Variants in AOX1 observed in about 807,000 individuals in gnomAD.
The protein encoded by AOX1 is aldehyde oxidase 1, also known as aldehyde oxidase.
A neutral mutation model predicts 169.5 loss-of-function variants in AOX1; 153 were observed. The ratio of observed to expected loss-of-function variants is 0.90; its 90% CI spans 0.79 to 1.03. AOX1 has a LOEUF of 1.03. Ranked by LOEUF, AOX1 falls within the 50% of genes least tolerant of loss-of-function variation. The pLI is 0.00. For missense variants in AOX1, 1,656 were observed against 1,663.9 expected (o/e 1.00, Z 0.08); for synonymous variants, 562 against 581.9 (o/e 0.97, Z 0.49).
chr2:200,641,992 G>C (rs1034643991), intron 24 of AOX1, among the ~76,000 whole-genome samples: 1 of 152,082 alleles, frequency 6.6e-6, no homozygotes, highest in Non-Finnish European at 1.5e-5. Context: ...AGCCGGGTAT[G>C]GTGGCACACA....
Position 200,604,738 on chromosome 2 carries a change from A to G in AOX1, c.712A>G (p.Ser238Gly). ...KQSQRTRVFGSERMMWFSPVT... is the reference protein window; with the variant it reads ...KQSQRTRVFGGERMMWFSPVT... Reference sequence around the variant, plus strand: ...GTCGCAAAGGACCAGGGTGTTTGGCAGTGAGAGAATGATGTGGTTTTCCCC... The same window carrying G: ...GTCGCAAAGGACCAGGGTGTTTGGCGGTGAGAGAATGATGTGGTTTTCCCC... The change falls in exon 9 of 35, where the codon AGT (serine) becomes GGT (glycine). Residue 238 changes from serine to glycine, a missense_variant. Coordinates refer to ENST00000374700, the MANE Select transcript of AOX1 (RefSeq NM_001159.4). 2.5e-6 allele frequency: 4 copies of G among 1,614,136 alleles called. No individual in the cohort carries two copies. The highest frequency in any genetic ancestry group is 3.4e-6 in the Non-Finnish European group (4 of 1,180,008).
chr2:200,670,761 ATC>A lies in AOX1; in HGVS notation c.*84_*85del. 7 of 1,130,652 alleles carry A rather than the reference ATC, an allele frequency of 6.2e-6. No homozygotes were observed. In the South Asian group the frequency reaches 9.3e-5, roughly 15 times the overall value. 70.0% of individuals were successfully genotyped at this position (1,130,652 alleles called of 1,614,324 possible). A position where few individuals can be genotyped will look rare whatever the true frequency, so the allele number is the denominator to read the frequency against. On this transcript the variant is annotated 3_prime_UTR_variant, in exon 35 of 35. Coordinates refer to ENST00000374700, the MANE Select transcript of AOX1 (RefSeq NM_001159.4). ...CTATCTCTGTGCTGGAAGATGCTAGATCTGAAAGACAGAGTTTCCACAGTTCA... is the reference window on the plus strand; with the variant it reads ...CTATCTCTGTGCTGGAAGATGCTAGATGAAAGACAGAGTTTCCACAGTTCA...
chr2:200,602,347 TA>T lies in AOX1; in HGVS notation c.498+4del. 1 of 1,612,908 alleles carries T rather than the reference TA, an allele frequency of 6.2e-7. No homozygotes were observed. Among genetic ancestry groups the T allele is most frequent in the Non-Finnish European group, 8.5e-7 (1 of 1,179,184 alleles). On this transcript the variant is annotated splice_donor_region_variant and intron_variant, in intron 6 of 34. Coordinates refer to ENST00000374700, the MANE Select transcript of AOX1 (RefSeq NM_001159.4). ...GATGCATGCAAGACTTTCTGTAAAGTAAGTGGAAAGGACCACATGTTTGAGT... is the reference window on the plus strand; with the variant it reads ...GATGCATGCAAGACTTTCTGTAAAGTAGTGGAAAGGACCACATGTTTGAGT...
chr2:200,664,929 A>G (rs1297028947), intron 31 of AOX1, among the ~76,000 whole-genome samples: 1 of 152,154 alleles, frequency 6.6e-6, no homozygotes, highest in Non-Finnish European at 1.5e-5. Context: ...GTGATTCTGC[A>G]TGAGGCTTGT....
Position 200,621,148 on chromosome 2 carries a change from A to C in AOX1, c.1903A>C (p.Met635Leu). 6.2e-7 allele frequency: 1 copy of C among 1,614,146 alleles called. No homozygotes were observed. Among genetic ancestry groups the C allele is most frequent in the South Asian group, 1.1e-5 (1 of 91,068 alleles). Residue 635 changes from methionine (M) to leucine (L), a missense_variant, in exon 18 of 35, where the codon ATG becomes CTG. Coordinates refer to ENST00000374700, the MANE Select transcript of AOX1 (RefSeq NM_001159.4). ...TATTGATCTGTCAGAAGCTCTCAGCATGCCCGGTGTGGTGGACATCATGAC... is the reference window on the plus strand; with the variant it reads ...TATTGATCTGTCAGAAGCTCTCAGCCTGCCCGGTGTGGTGGACATCATGAC... ...VSIDLSEALS[M>L]PGVVDIMTAE...
Position 200,605,563 on chromosome 2 carries a change from T to G in AOX1, c.842T>G (p.Phe281Cys). The G allele has an allele frequency of 6.4e-7, 1 of 1,563,282 alleles. No individual in the cohort carries two copies. The highest frequency in any genetic ancestry group is 1.2e-5 in the South Asian group (1 of 80,572). ...VGPEVKFKGV[F>C]HPVIISPDRI... is the part of the protein sequence containing the mutation. ...CCTGAAGTGAAATTTAAAGGCGTCT[T>G]TCACCCAGTTATAATTTCTCCTGAT... The change falls in exon 10 of 35, where the codon TTT becomes TGT. Residue 281 changes from phenylalanine to cysteine, a missense_variant. Transcript: ENST00000374700.
intron 18 of AOX1, among the ~76,000 whole-genome samples, chr2:200,623,032 C>CT (rs199784795): frequency 2.8e-4 from 42 of 152,154 alleles, no homozygotes; most frequent in African/African-American, 8.9e-4. Flanking sequence ...TTTTTAATGC[C>CT]TTTTTTTCGA....
rs1211006672 is a variant in AOX1, at chr2:200,604,109, A to G, written c.669+12A>G. 6.4e-7 allele frequency: 1 copy of G among 1,573,612 alleles called. No homozygotes were observed. The highest frequency in any genetic ancestry group is 8.7e-7 in the Non-Finnish European group (1 of 1,143,280). On this transcript the variant is annotated intron_variant, in intron 8 of 34. Coordinates refer to ENST00000374700, the MANE Select transcript of AOX1 (RefSeq NM_001159.4). ...CTCCTGAGCTAATGGTGAGTAAAGC[A>G]ATGTTGAGCTCATCCTAGAAGAATT...
chr2:200,650,402 A>G (rs2035558464), intron 25 of AOX1, among the ~76,000 whole-genome samples: 1 of 152,148 alleles, frequency 6.6e-6, no homozygotes, highest in Non-Finnish European at 1.5e-5. Flanking sequence ...CTCAGCTGAG[A>G]ATGTGACATA....
In AOX1 at chr2:200,586,078, T is replaced by C. The variant is rs779618567; in HGVS notation, c.-31T>C. The C allele has an allele frequency of 6.5e-7, 1 of 1,549,310 alleles. No individual in the cohort carries two copies. Among genetic ancestry groups the C allele is most frequent in the Non-Finnish European group, 8.7e-7 (1 of 1,147,510 alleles). ...ACTTCCCAGAACCTCCGCCTCCCGCTCCGGGCCCTCGAACCAGCGCGGACA... is the reference window on the plus strand; with the variant it reads ...ACTTCCCAGAACCTCCGCCTCCCGCCCCGGGCCCTCGAACCAGCGCGGACA... On this transcript the variant is annotated 5_prime_UTR_variant, in exon 1 of 35. Transcript: ENST00000374700.
chr2:200,613,322 C>T (rs772880487), intron 14 of AOX1, among the ~76,000 whole-genome samples: 18 of 152,306 alleles, frequency 1.2e-4, no homozygotes, highest in Middle Eastern at 6.8e-3. Flanking sequence ...AGTTTACCCT[C>T]TGTTAACTCC....
chr2:200,611,690 A>G (rs986612496), intron 13 of AOX1, among the ~76,000 whole-genome samples, 197 bp downstream of exon 13: 2 of 146,112 alleles, frequency 1.4e-5, no homozygotes, highest in Non-Finnish European at 1.5e-5. Flanking sequence ...TGCCCCTATC[A>G]TTCCTCGAAT....
chr2:200,670,604 A>G lies in AOX1; in HGVS notation c.3967-25A>G, dbSNP rs1350249762. 6 of 1,603,124 alleles carry G rather than the reference A, an allele frequency of 3.7e-6. No individual in the cohort carries two copies. The Admixed American group carries it at 1.0e-4, about 27-fold the overall frequency. ...AGTCACAAACATTTCCCAGGTTTGA[A>G]CATCCAGATTTGTTTTTATTTTAGA... On this transcript the variant is annotated intron_variant, in intron 34 of 34. Coordinates refer to ENST00000374700, the MANE Select transcript of AOX1 (RefSeq NM_001159.4).
chr2:200,673,423 C>T (rs967185629), downstream of AOX1, among the ~76,000 whole-genome samples: 3 of 152,182 alleles, frequency 2.0e-5, no homozygotes, highest in East Asian at 1.9e-4. Flanking sequence ...GTTCTCTTTG[C>T]GCACACATCT....
intron 25 of AOX1, among the ~76,000 whole-genome samples, chr2:200,649,624 C>G (rs1178359997): frequency 6.6e-6 from 1 of 152,186 alleles, no homozygotes; most frequent in Non-Finnish European, 1.5e-5. Context: ...CCATGATGAT[C>G]CAATTTCTCC....
At position 200,612,702 on chromosome 2, in the gene AOX1, G is replaced by A. The variant is rs779441904; in HGVS notation, c.1357G>A (p.Asp453Asn). The A allele has an allele frequency of 1.2e-6, 2 of 1,614,132 alleles. No homozygotes were observed. Among genetic ancestry groups the A allele is most frequent in the East Asian group, 4.5e-5 (2 of 44,866 alleles). Reference protein sequence around the residue: ...SGMRVFFGEGDGIIRELCISY... With the variant: ...SGMRVFFGEGNGIIRELCISY... ...AATGAGAGTCTTTTTTGGAGAAGGG[G>A]ATGGCATTATTAGAGAGTTATGCAT... The change falls in exon 14 of 35, where the codon GAT becomes AAT. Residue 453 changes from aspartate to asparagine, a missense_variant. By Grantham distance (23) the Asp-to-Asn change is conservative. Transcript: ENST00000374700.
rs1360782931 is a variant in AOX1, at chr2:200,670,742, CTG to C, written c.*66_*67del. On this transcript the variant is annotated 3_prime_UTR_variant, in exon 35 of 35. Coordinates refer to ENST00000374700, the MANE Select transcript of AOX1 (RefSeq NM_001159.4). ...TCCCAGATGGCAATCTGTCCTATCT[CTG>C]TGCTGGAAGATGCTAGATCTGAAAG... The C allele has an allele frequency of 3.8e-6, 5 of 1,324,630 alleles. No homozygotes were observed. The highest frequency in any genetic ancestry group is 5.4e-6 in the Non-Finnish European group (5 of 924,882). 82.1% of individuals were successfully genotyped at this position (1,324,630 alleles called of 1,614,324 possible).
At chr2:200,631,400 A>G (rs1202533133) in intron 20 of AOX1, among the ~76,000 whole-genome samples, 3 of 152,230 alleles carry the variant, frequency 2.0e-5, no homozygotes, top group Non-Finnish European at 4.4e-5. Context: ...AGGATTTGCA[A>G]GAGACCCAGG....
intron 16 of AOX1, among the ~76,000 whole-genome samples, chr2:200,617,481 C>CAAAAA (rs35035526): frequency 4.0e-4 from 23 of 58,186 alleles, no homozygotes; most frequent in Non-Finnish European, 6.8e-4. Flanking sequence ...CAACTAACTG[C>CAAAAA]AAAAAAAAAA....
Sources: allele counts gnomAD v4.1 joint callset (sites outside exome capture counted in the v4.1 genomes callset), GRCh38; gene constraint gnomAD v4.1.1; transcripts MANE v1.5; gene names NCBI Gene and HGNC (gene_info 2026-07-23, HGNC 2026-07-21).